Variants in FAM227B observed in about 807,000 individuals in gnomAD.
FAM227B encodes family with sequence similarity 227 member B, also known as protein FAM227B.
In FAM227B, 88 loss-of-function variants were observed where a neutral mutation model predicts 73.8. That is an observed-to-expected ratio of 1.19 (90% CI 1.00 to 1.42). The LOEUF is 1.42. FAM227B is among the 40% of genes most tolerant of loss of function. FAM227B has a pLI of 0.00. For missense variants in FAM227B, 632 were observed against 590.9 expected (o/e 1.07, Z -0.72); for synonymous variants, 210 against 190.5 (o/e 1.10, Z -0.84).
intron 9 of FAM227B, among the ~76,000 whole-genome samples, chr15:49,557,714 A>G (rs2073856238): frequency 6.6e-6 from 1 of 152,054 alleles, no homozygotes; most frequent in Admixed American, 6.6e-5. Context: ...TCCTGAGGGG[A>G]TCTATACTTC....
intron 9 of FAM227B, among the ~76,000 whole-genome samples, chr15:49,561,659 A>G (rs1403864142): frequency 1.3e-5 from 2 of 152,168 alleles, no homozygotes; most frequent in African/African-American, 4.8e-5. Context: ...AAATACTACC[A>G]CAGTGGAATA....
rs569519175 is a variant in FAM227B at position 49,425,885 on chromosome 15, TTATC to T, written c.1013-54490_1013-54487del. On this transcript the variant is annotated intron_variant, in intron 11 of 15. Coordinates refer to ENST00000299338, the MANE Select transcript of FAM227B (RefSeq NM_152647.3). ...AAGATCATTCTTATTATACTAAAGT[TTATC>T]TAAGGAAATGACTATTTGGAGAAAA... Among the ~76,000 whole-genome samples the T allele has an allele frequency of 1.1e-4, 16 of 151,874 alleles. No homozygotes were observed. The Middle Eastern group carries it at 0.01, about 97-fold the overall frequency.
chr15:49,603,286 C>A (rs976846497), intron 3 of FAM227B, among the ~76,000 whole-genome samples: 1 of 152,038 alleles, frequency 6.6e-6, no homozygotes, highest in African/African-American at 2.4e-5. Context: ...CATGGACTAT[C>A]TTTCCATGTT....
rs1244317036 is a variant in FAM227B, at chr15:49,550,015, C to T, written c.748-8209G>A. 2.5e-3 allele frequency among the ~76,000 whole-genome samples: 214 copies of T among 85,358 alleles called. 2 individuals carry two copies. The highest frequency in any genetic ancestry group is 6.0e-3 in the African/African-American group (196 of 32,642). The allele number at this position is 85,358 out of a possible 152,430, so 56.0% of individuals were successfully genotyped here. On this transcript the variant is annotated intron_variant, in intron 9 of 15. Coordinates refer to ENST00000299338, the MANE Select transcript of FAM227B (RefSeq NM_152647.3). ...GGCGGCTGGCCGGGCAGGGGGCTGA[C>T]CCCCCCACCTCCCTCCCGGACGGGG...
chr15:49,490,639 T>C (rs2057005345), intron 11 of FAM227B, among the ~76,000 whole-genome samples: 1 of 152,024 alleles, frequency 6.6e-6, no homozygotes, highest in African/African-American at 2.4e-5. Flanking sequence ...CAATATTTAA[T>C]GGGTATAATC....
At chr15:49,421,780 C>T (rs537036268) in intron 11 of FAM227B, among the ~76,000 whole-genome samples, 2 of 152,274 alleles carry the variant, frequency 1.3e-5, no homozygotes, top group South Asian at 2.1e-4. Flanking sequence ...CCCAAACTAG[C>T]GGAGTGTGAT....
intron 11 of FAM227B, among the ~76,000 whole-genome samples, chr15:49,429,757 C>T (rs752481509): frequency 6.6e-6 from 1 of 151,878 alleles, no homozygotes; most frequent in African/African-American, 2.4e-5. Context: ...TTAAAAGCTT[C>T]CCCAGATAAT....
At chr15:49,594,692 C>G (rs1369363544) in intron 3 of FAM227B, among the ~76,000 whole-genome samples, 3 of 152,166 alleles carry the variant, frequency 2.0e-5, no homozygotes, top group Admixed American at 6.6e-5. Flanking sequence ...TTCCCTCCCC[C>G]ACTTTATGCT....
intron 11 of FAM227B, among the ~76,000 whole-genome samples, chr15:49,446,854 A>G (rs2052266142): frequency 6.6e-6 from 1 of 151,700 alleles, no homozygotes; most frequent in East Asian, 1.9e-4. Flanking sequence ...GAAAGATACA[A>G]GCAGGGGGAG....
intron 13 of FAM227B, among the ~76,000 whole-genome samples, chr15:49,338,320 TG>T (rs2040118577): frequency 6.6e-6 from 1 of 152,234 alleles, no homozygotes. Context: ...AGGGCAGGCC[TG>T]GTGGTGACAA....
Position 49,362,519 on chromosome 15 carries a change from T to C in FAM227B, c.1271+4929A>G, listed in dbSNP as rs375330549. Among the ~76,000 whole-genome samples the C allele has an allele frequency of 4.6e-5, 7 of 152,216 alleles. No individual in the cohort carries two copies. In the East Asian group the frequency reaches 1.3e-3, roughly 29 times the overall value. ...CTAATACACTTATAGATTCTGGACA[T>C]TGGATCTTTGTCACATGCATAGTTT... On this transcript the variant is annotated intron_variant, in intron 13 of 15. Transcript: ENST00000299338.
intron 11 of FAM227B, among the ~76,000 whole-genome samples, chr15:49,399,800 C>T (rs1596900874): frequency 9.5e-6 from 1 of 105,624 alleles, no homozygotes. Flanking sequence ...AATTCAACAA[C>T]CCTTCATGCT....
chr15:49,406,016 A>G (rs146326892), intron 11 of FAM227B, among the ~76,000 whole-genome samples: 3 of 152,196 alleles, frequency 2.0e-5, no homozygotes, highest in Admixed American at 1.3e-4. Context: ...CAGGGGGCCA[A>G]CGCTCAGCTC....
chr15:49,493,888 A>ATATATGTG (rs146161182), intron 11 of FAM227B, among the ~76,000 whole-genome samples: 2,307 of 148,878 alleles, frequency 0.015, 48 homozygotes, highest in African/African-American at 0.047. Flanking sequence ...ATATATATAT[A>ATATATGTG]TGTGTGTGTG....
At chr15:49,591,363 C>A (rs1312203145) in intron 3 of FAM227B, among the ~76,000 whole-genome samples, 7 of 83,426 alleles carry the variant, frequency 8.4e-5, no homozygotes, top group Admixed American at 2.7e-4. Context: ...AGCCACCACA[C>A]CCTCCCTCCC....
rs1183480838 is a variant in FAM227B at position 49,547,510 on chromosome 15, T to A, written c.748-5704A>T. On this transcript the variant is annotated intron_variant, in intron 9 of 15. Transcript: ENST00000299338. The stretch of plus-strand genomic sequence containing the variant: ...AAATTGGATAAAGAGTCAAGACCCA[T>A]CAGTGTGCTGTATTCAGGAAACCCA... Among the ~76,000 whole-genome samples the A allele has an allele frequency of 2.6e-5, 4 of 152,084 alleles. No individual in the cohort carries two copies. In the East Asian group the frequency reaches 7.7e-4, roughly 29 times the overall value.
intron 8 of FAM227B, among the ~76,000 whole-genome samples, chr15:49,572,319 C>A (rs1315756647): frequency 3.3e-5 from 5 of 151,874 alleles, no homozygotes; most frequent in African/African-American, 7.2e-5. Context: ...TATTAGGATA[C>A]TTTTATTTCT....
chr15:49,564,636 C>T (rs1199137227), intron 9 of FAM227B, among the ~76,000 whole-genome samples: 2 of 151,874 alleles, frequency 1.3e-5, no homozygotes, highest in East Asian at 1.9e-4. Flanking sequence ...GGTACATATA[C>T]AACATGGAAT....
chr15:49,485,378 A>G (rs936288646), intron 11 of FAM227B: 23 of 152,568 alleles, frequency 1.5e-4, no homozygotes, highest in Admixed American at 3.9e-4. Context: ...TCTTCCCACA[A>G]ATAATCATGC....
Sources: allele counts gnomAD v4.1 joint callset (sites outside exome capture counted in the v4.1 genomes callset), GRCh38; gene constraint gnomAD v4.1.1; transcripts MANE v1.5; gene names NCBI Gene and HGNC (gene_info 2026-07-23, HGNC 2026-07-21).